The following TGM2 variants were observed in gnomAD, a reference collection of about 807,000 sequenced individuals.
TGM2 encodes protein-glutamine gamma-glutamyltransferase 2.
In TGM2, 53 loss-of-function variants were observed where a neutral mutation model predicts 75.6. The observed-to-expected ratio is 0.70, with a 90% confidence interval of 0.56 to 0.88. The LOEUF (loss-of-function observed/expected upper bound fraction) is 0.88. Among genes scored for constraint, TGM2 ranks in the 40% least tolerant of loss-of-function variants. TGM2 has a pLI of 0.00. For missense variants in TGM2, 842 were observed against 928.5 expected, an observed-to-expected ratio of 0.91 and a Z score of 1.21; for synonymous variants, 374 against 381.1, an observed-to-expected ratio of 0.98 and a Z score of 0.22.
In TGM2 at chr20:38,148,001, C is replaced by T. The variant is rs45530133; in HGVS notation, c.641G>A (p.Arg214His). The T allele has an allele frequency of 4.2e-5, 67 of 1,602,014 alleles. No homozygotes were observed. The East Asian group carries it at 1.4e-3, about 33-fold the overall frequency. ...CCGGCCCACGTAGACGGGGCTGCTG[C>T]GGCGGGAGCAGTCACGGCCGGCGTT... The part of the protein sequence containing the change: ...LKNAGRDCSR[R>H]SSPVYVGRVV... Residue 214 changes from arginine (R) to histidine (H), a missense_variant, in exon 5 of 13, where the codon CGC becomes CAC. By Grantham distance (29) the Arg-to-His change is conservative. Transcript: ENST00000361475.
chr20:38,165,279 G>C, upstream of TGM2: 5 of 1,599,908 alleles, frequency 3.1e-6, no homozygotes, highest in Non-Finnish European at 4.3e-6. Context: ...CTGCCGAGGC[G>C]GAGAGCGGCG....
chr20:38,150,899 G>A, intron 4 of TGM2, 40 bp downstream of exon 4: 1 of 1,486,900 alleles, frequency 6.7e-7, no homozygotes, highest in Non-Finnish European at 9.4e-7. Context: ...GCACACAGAA[G>A]GGCCTGAGAT....
intron 3 of TGM2, among the ~76,000 whole-genome samples, chr20:38,155,597 C>T (rs751015582): frequency 1.5e-4 from 23 of 152,168 alleles, no homozygotes; most frequent in Non-Finnish European, 3.1e-4. Flanking sequence ...ATTCTCCCTC[C>T]TCAGCCTCCC....
chr20:38,141,327 C>T lies in TGM2; in HGVS notation c.1054G>A (p.Glu352Lys), dbSNP rs750818931. 1.1e-5 allele frequency: 18 copies of T among 1,590,820 alleles called. No homozygotes were observed. Among genetic ancestry groups the T allele is most frequent in the Admixed American group, 3.5e-5 (2 of 56,626 alleles). The change falls in exon 8 of 13, where the codon GAG becomes AAG. Residue 352 changes from glutamate to lysine, a missense_variant. Glu to Lys is a moderately conservative substitution (Grantham distance 56). Transcript: ENST00000361475. ...MTRPDLQPGY[E>K]GWQALDPTPQ... ...GTTGGGTCCAGGGCCTGCCAGCCCT[C>T]GTACCCCGGCTGCAGGTCCGGCCTG...
chr20:38,153,306 C>G (rs1343890483), intron 3 of TGM2, among the ~76,000 whole-genome samples: 2 of 152,010 alleles, frequency 1.3e-5, no homozygotes, highest in Admixed American at 6.6e-5. Flanking sequence ...GGGCGGATCA[C>G]CTGAGATCAG....
chr20:38,139,448 G>C lies in TGM2; in HGVS notation c.1306C>G (p.Arg436Gly), dbSNP rs45629036. 6.2e-7 allele frequency: 1 copy of C among 1,614,118 alleles called. No individual in the cohort carries two copies. Among genetic ancestry groups the C allele is most frequent in the South Asian group, 1.1e-5 (1 of 91,074 alleles). ...ISTKSVGRDEREDITHTYKYP... is the reference protein window; with the variant it reads ...ISTKSVGRDEGEDITHTYKYP... ...TTGTAGGTGTGGGTGATATCCTCCC[G>C]CTCGTCTCGGCCCACGCTCTTAGTG... is the stretch of plus-strand genomic sequence containing the variant. Residue 436 changes from arginine to glycine, a missense_variant, in exon 9 of 13, where the codon CGG (arginine) becomes GGG (glycine). By Grantham distance (125) the Arg-to-Gly change is moderately radical. Transcript: ENST00000361475.
chr20:38,132,907 C>G (rs1156697074), intron 10 of TGM2: 1 of 455,116 alleles, frequency 2.2e-6, no homozygotes, highest in Non-Finnish European at 4.4e-6. Flanking sequence ...GTGTGAGCCG[C>G]GGGCCCTTCA....
rs573038080 is a variant in TGM2, at chr20:38,140,696, C to T, written c.1099+586G>A. Among the ~76,000 whole-genome samples, 72 of 152,252 alleles carry T rather than the reference C, an allele frequency of 4.7e-4. 1 individual carries two copies. Among genetic ancestry groups the T allele is most frequent in the African/African-American group, 1.6e-3 (65 of 41,536 alleles). On this transcript the variant is annotated intron_variant, in intron 8 of 12. Coordinates refer to ENST00000361475, the MANE Select transcript of TGM2 (RefSeq NM_004613.4). ...ATATTATGGAACTTACTGACTCTAC[C>T]GCTAGATCTTGTTCTATAAAGAAGC...
At chr20:38,153,676 C>T (rs2075146108) in intron 3 of TGM2, among the ~76,000 whole-genome samples, 1 of 151,990 alleles carries the variant, frequency 6.6e-6, no homozygotes, top group South Asian at 2.1e-4. Flanking sequence ...GAGACAGAGA[C>T]CTATAAAATA....
chr20:38,142,027 C>T, intron 7 of TGM2, 37 bp downstream of exon 7: 1 of 1,613,794 alleles, frequency 6.2e-7, no homozygotes, highest in Middle Eastern at 1.7e-4. Flanking sequence ...GGGGCCCTCC[C>T]TACTGGGCTC....
intron 3 of TGM2, among the ~76,000 whole-genome samples, chr20:38,152,180 CG>C (rs1289728894): frequency 6.6e-6 from 1 of 151,498 alleles, no homozygotes; most frequent in Admixed American, 6.6e-5. Context: ...AACATGTTCA[CG>C]GGCCCCTAAG....
At chr20:38,150,570 T>C (rs1385134777) in intron 4 of TGM2, among the ~76,000 whole-genome samples, 1 of 152,162 alleles carries the variant, frequency 6.6e-6, no homozygotes, top group African/African-American at 2.4e-5. Context: ...TAAAGCCTCT[T>C]CTTAGCACAT....
chr20:38,163,382 A>C (rs953548452), intron 1 of TGM2, among the ~76,000 whole-genome samples: 1 of 152,226 alleles, frequency 6.6e-6, no homozygotes, highest in African/African-American at 2.4e-5. Flanking sequence ...ACCATCGACT[A>C]TTCCAAAAAT....
chr20:38,139,509 G>A lies in TGM2; in HGVS notation c.1245C>T (p.Ser415=). ...IQQDDGSVHK[S]INRSLIVGLK... is the part of the protein sequence containing the mutation. ...GCCCAACGATCAGGGAACGGTTGAT[G>A]GATTTGTGCACAGACCCATCGTCCT... Residue 415 remains serine (S), a synonymous_variant, in exon 9 of 13, where the codon TCC becomes TCT. Coordinates refer to ENST00000361475, the MANE Select transcript of TGM2 (RefSeq NM_004613.4). 1.2e-6 allele frequency: 2 copies of A among 1,614,196 alleles called. No homozygotes were observed. Among genetic ancestry groups the A allele is most frequent in the Non-Finnish European group, 1.7e-6 (2 of 1,180,042 alleles).
chr20:38,138,228 A>C lies in TGM2; in HGVS notation c.1500T>G (p.Ala500=), dbSNP rs753113404. The C allele has an allele frequency of 3.7e-6, 6 of 1,612,658 alleles. No homozygotes were observed. Among genetic ancestry groups the C allele is most frequent in the Non-Finnish European group, 5.1e-6 (6 of 1,179,426 alleles). Residue 500 remains alanine (A), a synonymous_variant, in exon 10 of 13, where the codon GCT becomes GCG. Coordinates refer to ENST00000361475, the MANE Select transcript of TGM2 (RefSeq NM_004613.4). ...GCAGGAGGCGGCAGACGTACTCCTC[A>C]GCGGTGTTGTTGGTGATGTGGGCAA... is the stretch of plus-strand genomic sequence containing the variant. ...DVFAHITNNT[A]EEYVCRLLLC...
chr20:38,158,991 C>T (rs943750655), intron 2 of TGM2, among the ~76,000 whole-genome samples: 3 of 152,298 alleles, frequency 2.0e-5, no homozygotes, highest in South Asian at 4.1e-4. Context: ...GATCTGGGCT[C>T]TTCCGTGGCT....
At chr20:38,153,803 C>T (rs2075148139) in intron 3 of TGM2, among the ~76,000 whole-genome samples, 1 of 152,102 alleles carries the variant, frequency 6.6e-6, no homozygotes, top group Non-Finnish European at 1.5e-5. Flanking sequence ...TCTCTGTAGT[C>T]TTGAAGCCCT....
chr20:38,157,216 G>T (rs1194003175), intron 2 of TGM2, among the ~76,000 whole-genome samples: 1 of 141,940 alleles, frequency 7.0e-6, no homozygotes, highest in East Asian at 2.4e-4. Context: ...CTCCCTCCCA[G>T]CCCCCAGCCC....
chr20:38,145,762 C>CTTTTTTT (rs571755397), intron 6 of TGM2: 2 of 94,668 alleles, frequency 2.1e-5, no homozygotes, highest in Non-Finnish European at 4.0e-5. Flanking sequence ...TGCTCTCTCT[C>CTTTTTTT]TTTTTTTTTT....
Sources: gnomAD v4.1 joint callset for allele counts (sites outside exome capture counted in the v4.1 genomes callset) on GRCh38, gnomAD v4.1.1 for gene constraint, MANE v1.5 for transcripts, NCBI Gene and HGNC (gene_info 2026-07-23, HGNC 2026-07-21) for gene names.